PHACTR4: variants seen among roughly 807,000 people sequenced by gnomAD.
PHACTR4 encodes the protein phosphatase and actin regulator 4, also known as protein phosphatase 1, regulatory subunit 124.
A neutral mutation model predicts 72.7 loss-of-function variants in PHACTR4; 51 were observed. The observed-to-expected ratio is 0.70, with a 90% confidence interval of 0.56 to 0.89. PHACTR4 has a LOEUF of 0.89. Among genes scored for constraint, PHACTR4 ranks in the 40% least tolerant of loss-of-function variants. PHACTR4 has a pLI of 0.00. For synonymous variants in PHACTR4, 255 were observed against 302.5 expected (o/e 0.84, Z 1.63); for missense variants, 731 against 861.8 (o/e 0.85, Z 1.90).
intron 2 of PHACTR4, among the ~76,000 whole-genome samples, chr1:28,416,825 A>G (rs1655134523): frequency 1.3e-5 from 2 of 152,316 alleles, no homozygotes; most frequent in South Asian, 2.1e-4. Context: ...ATGCAATCCA[A>G]TTTAATCCAT....
In PHACTR4 at chr1:28,397,058, A is replaced by G. The variant is rs181596334; in HGVS notation, c.-38-10352A>G. On this transcript the variant is annotated intron_variant, in intron 1 of 13. Transcript: ENST00000373839. The stretch of plus-strand genomic sequence containing the variant: ...AACACTTTAGTTGTTCAGTCTGCCA[A>G]TGTAAATTTAGGTTTCATTATCTTG... Among the ~76,000 whole-genome samples, 15 of 152,116 alleles carry G rather than the reference A, an allele frequency of 9.9e-5. No individual in the cohort carries two copies. The East Asian group carries it at 1.7e-3, about 18-fold the overall frequency.
At chr1:28,480,012 A>C (rs1333810685) in intron 8 of PHACTR4, among the ~76,000 whole-genome samples, 2 of 152,256 alleles carry the variant, frequency 1.3e-5, no homozygotes, top group African/African-American at 4.8e-5. Context: ...ACTTATTGCC[A>C]CAGGGCAGAG....
At chr1:28,446,783 AAAAAG>A (rs1657502899) in intron 2 of PHACTR4, among the ~76,000 whole-genome samples, 1 of 151,978 alleles carries the variant, frequency 6.6e-6, no homozygotes, top group Non-Finnish European at 1.5e-5. Flanking sequence ...CATCTCAAAA[AAAAAG>A]AAAAGTGTGT....
Position 28,369,929 on chromosome 1 carries a change from G to GT in PHACTR4, c.-39+105dup, listed in dbSNP as rs967362418. The GT allele has an allele frequency of 4.0e-5, 15 of 379,650 alleles. No individual in the cohort carries two copies. In the Admixed American group the frequency reaches 5.5e-4, roughly 14 times the overall value. The allele number at this position is 379,650 out of a possible 1,614,324, so 23.5% of individuals were successfully genotyped here. On this transcript the variant is annotated intron_variant, in intron 1 of 13. Transcript: ENST00000373839. ...TTCTTGGCTCTGCGAGAGGGTCCCG[G>GT]TCCGGGCAGAAGGTAACGGCCCGGG...
At chr1:28,391,899 G>A (rs1456099736) in intron 1 of PHACTR4, among the ~76,000 whole-genome samples, 1 of 151,730 alleles carries the variant, frequency 6.6e-6, no homozygotes, top group Non-Finnish European at 1.5e-5. Flanking sequence ...GAGCCACCAC[G>A]CCCGGCCACT....
chr1:28,439,218 A>G, intron 2 of PHACTR4, among the ~76,000 whole-genome samples: 1 of 152,274 alleles, frequency 6.6e-6, no homozygotes, highest in East Asian at 1.9e-4. Context: ...ACATTATAAT[A>G]TTTAAGAAAG....
chr1:28,400,148 A>G (rs565847473), intron 1 of PHACTR4, among the ~76,000 whole-genome samples: 3 of 152,060 alleles, frequency 2.0e-5, no homozygotes, highest in Non-Finnish European at 4.4e-5. Context: ...CAAGGTGGGC[A>G]GATCACTTGA....
At chr1:28,409,735 G>A (rs1654628366) in intron 2 of PHACTR4, among the ~76,000 whole-genome samples, 1 of 152,034 alleles carries the variant, frequency 6.6e-6, no homozygotes, top group South Asian at 2.1e-4. Context: ...CAGATTAAGA[G>A]CTTTTGTCTT....
chr1:28,375,154 C>CT (rs950379361), intron 1 of PHACTR4, among the ~76,000 whole-genome samples: 7 of 152,094 alleles, frequency 4.6e-5, no homozygotes, highest in African/African-American at 1.7e-4. Context: ...AAACAATTAG[C>CT]TGGGGGTGGT....
Position 28,498,648 on chromosome 1 carries a change from G to C in PHACTR4, c.*2099G>C, listed in dbSNP as rs1267443907. On this transcript the variant is annotated 3_prime_UTR_variant, in exon 14 of 14. Coordinates refer to ENST00000373839, the MANE Select transcript of PHACTR4 (RefSeq NM_001048183.3). ...TTCCCTTCACTTTAATGTTCAAGAA[G>C]TTGTGGCTATTTCATAGATTTCTTC... 1 of 152,096 alleles carries C rather than the reference G, an allele frequency of 6.6e-6. No individual in the cohort carries two copies. The highest frequency in any genetic ancestry group is 2.4e-5 in the African/African-American group (1 of 41,420). 9.4% of individuals were successfully genotyped at this position (152,096 alleles called of 1,614,324 possible). A position where few individuals can be genotyped will look rare whatever the true frequency, so the allele number is the denominator to read the frequency against.
At chr1:28,492,759 C>A (rs546266035) in intron 12 of PHACTR4, among the ~76,000 whole-genome samples, 34 of 152,170 alleles carry the variant, frequency 2.2e-4, no homozygotes, top group African/African-American at 7.2e-4. Context: ...GATTCCATCT[C>A]AGGGAAAAAC....
At chr1:28,371,526 C>T (rs892990038) in intron 1 of PHACTR4, among the ~76,000 whole-genome samples, 1 of 152,130 alleles carries the variant, frequency 6.6e-6, no homozygotes, top group Non-Finnish European at 1.5e-5. Flanking sequence ...AACTCCTAAC[C>T]TCAGGTGATC....
At chr1:28,414,931 A>G (rs1001081644) in intron 2 of PHACTR4, among the ~76,000 whole-genome samples, 2 of 152,144 alleles carry the variant, frequency 1.3e-5, no homozygotes, top group African/African-American at 4.8e-5. Flanking sequence ...TGAATGTATT[A>G]CTTGTTAACC....
At chr1:28,471,740 C>T (rs930486724) in intron 6 of PHACTR4, among the ~76,000 whole-genome samples, 2 of 151,964 alleles carry the variant, frequency 1.3e-5, no homozygotes, top group African/African-American at 4.8e-5. Context: ...GAAGGCTTCT[C>T]ATCTAATAAA....
chr1:28,444,604 AT>A (rs1426830718), intron 2 of PHACTR4, among the ~76,000 whole-genome samples: 2 of 148,690 alleles, frequency 1.3e-5, no homozygotes, highest in Non-Finnish European at 3.0e-5. Flanking sequence ...TATATTATTT[AT>A]TTTTTTATTT....
chr1:28,400,997 C>G (rs1232143425), intron 1 of PHACTR4, among the ~76,000 whole-genome samples: 1 of 152,156 alleles, frequency 6.6e-6, no homozygotes, highest in Non-Finnish European at 1.5e-5. Context: ...GTCTGGAGTT[C>G]TGGTTTTTTC....
intron 2 of PHACTR4, among the ~76,000 whole-genome samples, chr1:28,454,270 CTTTTTT>C (rs945039969): frequency 3.2e-5 from 3 of 95,084 alleles, no homozygotes; most frequent in Non-Finnish European, 5.9e-5. Flanking sequence ...ATCACTTTGT[CTTTTTT>C]TTTTTTTTTT....
chr1:28,453,789 G>A, intron 2 of PHACTR4: 2 of 904,312 alleles, frequency 2.2e-6, no homozygotes, highest in Non-Finnish European at 3.6e-6. Context: ...TATCCACATT[G>A]GTGCGTCCTG....
At chr1:28,468,902 A>C (rs1420434641) in intron 6 of PHACTR4, among the ~76,000 whole-genome samples, 1 of 152,206 alleles carries the variant, frequency 6.6e-6, no homozygotes, top group Non-Finnish European at 1.5e-5. Context: ...TTTCAAGTTA[A>C]GGCAACATAT....
Sources: allele counts gnomAD v4.1 joint callset (sites outside exome capture counted in the v4.1 genomes callset), GRCh38; gene constraint gnomAD v4.1.1; transcripts MANE v1.5; gene names NCBI Gene and HGNC (gene_info 2026-07-23, HGNC 2026-07-21).